The following AKR1C3 variants were observed in gnomAD, a reference collection of about 807,000 sequenced individuals.
AKR1C3 encodes the protein 3-alpha hydroxysteroid dehydrogenase, type II.
Under a neutral mutation model 43.6 loss-of-function variants are expected in AKR1C3, and 48 were observed. The observed-to-expected ratio is 1.10, with a 90% CI of 0.87 to 1.40. AKR1C3 has a LOEUF of 1.40. AKR1C3 is among the 40% of genes most tolerant of loss of function. The pLI, the probability that AKR1C3 is intolerant of heterozygous loss-of-function variation, is 0.00. For synonymous variants in AKR1C3, 162 were observed against 139.6 expected (o/e 1.16, Z -1.13); for missense variants, 482 against 391.2 (o/e 1.23, Z -1.96).
chr10:5,103,986 A>C (rs1839428626), intron 7 of AKR1C3, among the ~76,000 whole-genome samples: 1 of 152,060 alleles, frequency 6.6e-6, no homozygotes, highest in Non-Finnish European at 1.5e-5. Context: ...GATTACACAT[A>C]CATACATATA....
intron 7 of AKR1C3, 113 bp from the exon 8 acceptor site, chr10:5,105,482 C>T (rs1002229821): frequency 4.0e-6 from 3 of 754,728 alleles, no homozygotes; most frequent in Non-Finnish European, 6.5e-6. Context: ...ACTTCTATAA[C>T]TGTTTAAAAC....
In AKR1C3 at chr10:5,107,572, T is replaced by G; in HGVS notation, c.*69T>G. 5 of 1,255,100 alleles carry G rather than the reference T, an allele frequency of 4.0e-6. No homozygotes were observed. The highest frequency in any genetic ancestry group is 1.2e-5 in the South Asian group (1 of 80,730). The allele number at this position is 1,255,100 out of a possible 1,614,324, so 77.7% of individuals were successfully genotyped here. A position where few individuals can be genotyped will look rare whatever the true frequency, so the allele number is the denominator to read the frequency against. ...GATGGTGACGCAGAGGACGTCTCTA[T>G]GCCGGTGACTGGACATATCACCTCT... On this transcript the variant is annotated 3_prime_UTR_variant, in exon 9 of 9. Transcript: ENST00000380554.
At chr10:5,083,074 A>AT (rs1320675691) in intron 1 of AKR1C3, among the ~76,000 whole-genome samples, 32 of 64,730 alleles carry the variant, frequency 4.9e-4, no homozygotes, top group South Asian at 2.3e-3. Context: ...TATTTTCTCT[A>AT]TTTTTTTTTA....
intron 1 of AKR1C3, among the ~76,000 whole-genome samples, chr10:5,073,996 C>T (rs1838661446): frequency 6.6e-6 from 1 of 151,674 alleles, no homozygotes; most frequent in Non-Finnish European, 1.5e-5. Context: ...TCAAAGTCAC[C>T]CGTCTGCTCA....
At chr10:5,078,873 G>A (rs561190737) in intron 1 of AKR1C3, among the ~76,000 whole-genome samples, 1 of 152,350 alleles carries the variant, frequency 6.6e-6, no homozygotes, top group Admixed American at 6.5e-5. Flanking sequence ...GGTCTGCAGT[G>A]ATGAGTAGAA....
At chr10:5,101,062 A>G (rs1389173213) in intron 5 of AKR1C3, among the ~76,000 whole-genome samples, 2 of 152,222 alleles carry the variant, frequency 1.3e-5, no homozygotes, top group East Asian at 3.8e-4. Flanking sequence ...ACGAACTGCA[A>G]TGCCCTCATG....
In AKR1C3 at chr10:5,082,543, A is replaced by AT. The variant is rs148160794; in HGVS notation, c.85-13857dup. On this transcript the variant is annotated intron_variant, in intron 1 of 8. Transcript: ENST00000439082. ...AAACTCGGCATCTGTTGGGATGATCATTTTTTTTTTGCTTTTAAGTATGTT... is the reference window on the plus strand; with the variant it reads ...AAACTCGGCATCTGTTGGGATGATCATTTTTTTTTTTGCTTTTAAGTATGTT... 1.4e-3 allele frequency among the ~76,000 whole-genome samples: 215 copies of AT among 148,542 alleles called. 1 individual carries two copies. Among genetic ancestry groups the AT allele is most frequent in the African/African-American group, 4.2e-3 (169 of 40,540 alleles).
chr10:5,099,266 G>T, intron 4 of AKR1C3, 61 bp from the exon 5 acceptor site: 2 of 1,610,694 alleles, frequency 1.2e-6, no homozygotes, highest in Admixed American at 1.7e-5. Flanking sequence ...GTTCTGTCTT[G>T]CATTTACCGT....
intron 1 of AKR1C3, among the ~76,000 whole-genome samples, chr10:5,079,915 G>C (rs987199981): frequency 6.6e-6 from 1 of 152,174 alleles, no homozygotes; most frequent in Non-Finnish European, 1.5e-5. Context: ...GAAGGGCGAG[G>C]AAAGAAAATT....
intron 1 of AKR1C3, among the ~76,000 whole-genome samples, chr10:5,066,987 G>A (rs1398287134): frequency 6.6e-6 from 1 of 152,304 alleles, no homozygotes; most frequent in Non-Finnish European, 1.5e-5. Flanking sequence ...AAGGCCTCCT[G>A]GCAATGTTCT....
rs11551177 is a variant in AKR1C3 at position 5,096,555 on chromosome 10, A to G, written c.230A>G (p.Glu77Gly). The G allele has an allele frequency of 0.058, 93,185 of 1,613,522 alleles. 3,165 individuals are homozygous for G. Among genetic ancestry groups the G allele is most frequent in the Middle Eastern group, 0.087 (528 of 6,054 alleles). The part of the protein sequence containing the change: ...SKIADGSVKR[E>G]DIFYTSKLWS... ...ATTGCAGATGGCAGTGTGAAGAGAG[A>G]AGACATATTCTACACTTCAAAGGTA... The change falls in exon 2 of 9, where the codon GAA (glutamate) becomes GGA (glycine). Residue 77 changes from glutamate to glycine, a missense_variant. Glu to Gly is a moderately conservative substitution (Grantham distance 98). Coordinates refer to ENST00000380554, the MANE Select transcript of AKR1C3 (RefSeq NM_003739.6).
intron 1 of AKR1C3, among the ~76,000 whole-genome samples, chr10:5,049,908 G>A (rs576571917): frequency 6.6e-6 from 1 of 152,318 alleles, no homozygotes; most frequent in Non-Finnish European, 1.5e-5. Flanking sequence ...CTGCTCTCCT[G>A]ACTCCATGGA....
At chr10:5,049,490 G>A (rs1308779702) in intron 1 of AKR1C3, among the ~76,000 whole-genome samples, 4 of 152,142 alleles carry the variant, frequency 2.6e-5, no homozygotes, top group African/African-American at 9.7e-5. Context: ...AAGAAAAAAC[G>A]ACTAGAACCT....
At chr10:5,106,389 C>A (rs1174790568) in intron 8 of AKR1C3, among the ~76,000 whole-genome samples, 1 of 152,130 alleles carries the variant, frequency 6.6e-6, no homozygotes, top group Non-Finnish European at 1.5e-5. Context: ...GATAAAAGAT[C>A]TTTACTATTC....
At chr10:5,099,152 G>C (rs546862319) in intron 4 of AKR1C3, among the ~76,000 whole-genome samples, 175 bp from the exon 5 acceptor site, 20 of 152,130 alleles carry the variant, frequency 1.3e-4, no homozygotes, top group Non-Finnish European at 2.1e-4. Flanking sequence ...TCTTACTCTT[G>C]CTGCCTCTAT....
chr10:5,084,896 A>G (rs1554782791), intron 1 of AKR1C3, among the ~76,000 whole-genome samples: 1 of 152,142 alleles, frequency 6.6e-6, no homozygotes, highest in South Asian at 2.1e-4. Flanking sequence ...ATTGGTGTAT[A>G]AGAATGCTTG....
chr10:5,091,085 T>C (rs1449704619), upstream of AKR1C3, among the ~76,000 whole-genome samples: 1 of 151,470 alleles, frequency 6.6e-6, no homozygotes, highest in Non-Finnish European at 1.5e-5. Context: ...AATAATGGCC[T>C]GTAAAGGGGA....
At chr10:5,069,574 C>A (rs1322329244) in intron 1 of AKR1C3, among the ~76,000 whole-genome samples, 1 of 152,058 alleles carries the variant, frequency 6.6e-6, no homozygotes, top group African/African-American at 2.4e-5. Flanking sequence ...AAGCGAAACC[C>A]TAAAAAGCAA....
chr10:5,105,063 G>C (rs993779096), intron 7 of AKR1C3, among the ~76,000 whole-genome samples: 4 of 152,082 alleles, frequency 2.6e-5, no homozygotes, highest in African/African-American at 9.7e-5. Flanking sequence ...CTCAAATTTA[G>C]AGAGTAAGAT....
Sources: gnomAD v4.1 joint callset for allele counts (sites outside exome capture counted in the v4.1 genomes callset) on GRCh38, gnomAD v4.1.1 for gene constraint, MANE v1.5 for transcripts, NCBI Gene and HGNC (gene_info 2026-07-23, HGNC 2026-07-21) for gene names.